Variants in ZNF704 observed in about 807,000 individuals in gnomAD.
ZNF704 encodes zinc finger protein 704, also known as glucocorticoid induced gene 1.
In ZNF704, 10 loss-of-function variants were observed where a neutral mutation model predicts 44.7. The ratio of observed to expected loss-of-function variants is 0.22; its 90% CI spans 0.14 to 0.38. The LOEUF is 0.38. Among genes scored for constraint, ZNF704 ranks in the 10% least tolerant of loss-of-function variants. ZNF704 has a pLI of 1.00. For synonymous variants in ZNF704, 211 were observed against 207.6 expected (o/e 1.02, Z -0.14); for missense variants, 390 against 545.5 (o/e 0.71, Z 2.84).
chr8:80,758,331 A>G (rs895490598), intron 2 of ZNF704, among the ~76,000 whole-genome samples: 3 of 152,174 alleles, frequency 2.0e-5, no homozygotes, highest in African/African-American at 7.2e-5. Flanking sequence ...CACTTAAGAG[A>G]CTGATGAAGT....
chr8:80,753,791 A>C (rs1476936843), intron 2 of ZNF704, among the ~76,000 whole-genome samples: 1 of 152,238 alleles, frequency 6.6e-6, no homozygotes, highest in Admixed American at 6.5e-5. Context: ...GTAACCCCTG[A>C]GAAAAGTTAG....
intron 2 of ZNF704, among the ~76,000 whole-genome samples, chr8:80,787,615 T>C (rs1357489166): frequency 1.3e-5 from 2 of 152,210 alleles, no homozygotes; most frequent in Non-Finnish European, 2.9e-5. Context: ...TTTAATTTTC[T>C]AGTTTTCTTT....
chr8:80,771,662 T>G (rs1807322360), intron 2 of ZNF704, among the ~76,000 whole-genome samples: 1 of 152,294 alleles, frequency 6.6e-6, no homozygotes, highest in East Asian at 1.9e-4. Context: ...ACAGTTTTGG[T>G]TTTTTTCCTT....
At chr8:80,694,542 C>A (rs1388619333) in intron 2 of ZNF704, among the ~76,000 whole-genome samples, 1 of 152,172 alleles carries the variant, frequency 6.6e-6, no homozygotes, top group Non-Finnish European at 1.5e-5. Context: ...ACAAATGTGG[C>A]TTTCATTCAC....
intron 2 of ZNF704, among the ~76,000 whole-genome samples, chr8:80,710,011 A>G (rs915468955): frequency 2.2e-4 from 33 of 152,200 alleles, no homozygotes; most frequent in African/African-American, 7.7e-4. Context: ...TGGGCTAGAC[A>G]TCTTTGCCAG....
At chr8:80,873,310 G>A (rs189592169) in intron 1 of ZNF704, among the ~76,000 whole-genome samples, 1 of 152,282 alleles carries the variant, frequency 6.6e-6, no homozygotes, top group East Asian at 1.9e-4. Context: ...CACGGCCTTT[G>A]AGGAAAGCGG....
intron 2 of ZNF704, among the ~76,000 whole-genome samples, chr8:80,791,540 C>A (rs879268361): frequency 1.3e-5 from 2 of 152,176 alleles, no homozygotes; most frequent in Non-Finnish European, 2.9e-5. Flanking sequence ...CCTGTGGGAA[C>A]CACAGTCTTA....
chr8:80,836,013 T>C (rs1188953377), intron 1 of ZNF704, among the ~76,000 whole-genome samples: 1 of 152,136 alleles, frequency 6.6e-6, no homozygotes, highest in African/African-American at 2.4e-5. Flanking sequence ...CGGAGCCCTG[T>C]TTCCACTCCT....
intron 2 of ZNF704, among the ~76,000 whole-genome samples, chr8:80,726,983 C>T (rs1425281457): frequency 6.6e-6 from 1 of 152,106 alleles, no homozygotes; most frequent in African/African-American, 2.4e-5. Flanking sequence ...ATGTAATAGT[C>T]ATTTAATGTT....
chr8:80,840,506 G>A (rs1808660403), intron 1 of ZNF704, among the ~76,000 whole-genome samples: 1 of 152,138 alleles, frequency 6.6e-6, no homozygotes, highest in Admixed American at 6.5e-5. Context: ...AATAATAACA[G>A]TTCCAGTTAC....
intron 1 of ZNF704, among the ~76,000 whole-genome samples, chr8:80,847,362 A>G (rs1359548184): frequency 3.3e-5 from 5 of 152,114 alleles, no homozygotes; most frequent in African/African-American, 1.2e-4. Context: ...TATTGTGGTA[A>G]TGGCTCAAGA....
rs577248502 is a variant in ZNF704 at position 80,664,710 on chromosome 8, G to A, written c.927+105C>T. The A allele has an allele frequency of 2.2e-4, 301 of 1,388,126 alleles. 3 individuals are homozygous for A. In the South Asian group the frequency reaches 3.6e-3, roughly 17 times the overall value. The allele number at this position is 1,388,126 out of a possible 1,614,324, so 86.0% of individuals were successfully genotyped here. ...AAAATCAAAGCTACCGGGCTGCCGT[G>A]TGTGATGCTGTTTTTCCACTGAGTT... is the stretch of plus-strand genomic sequence containing the variant. On this transcript the variant is annotated intron_variant, in intron 6 of 8. Transcript: ENST00000327835.
At chr8:80,842,037 T>C (rs971353630) in intron 1 of ZNF704, among the ~76,000 whole-genome samples, 7 of 152,198 alleles carry the variant, frequency 4.6e-5, no homozygotes, top group Non-Finnish European at 1.0e-4. Context: ...GCTCAAATGA[T>C]CCTCTTGCCT....
intron 2 of ZNF704, among the ~76,000 whole-genome samples, chr8:80,723,325 C>A (rs1437385956): frequency 6.6e-6 from 1 of 152,100 alleles, no homozygotes; most frequent in Non-Finnish European, 1.5e-5. Flanking sequence ...ATATCCACTA[C>A]TAGTAACTGT....
At chr8:80,655,550 A>G (rs958522853) in intron 7 of ZNF704, among the ~76,000 whole-genome samples, 1 of 152,180 alleles carries the variant, frequency 6.6e-6, no homozygotes, top group Admixed American at 6.5e-5. Flanking sequence ...GGAAATCTGC[A>G]TTGTCAGCTA....
intron 4 of ZNF704, among the ~76,000 whole-genome samples, chr8:80,682,320 T>C (rs769271468): frequency 6.7e-4 from 102 of 152,368 alleles, no homozygotes; most frequent in Non-Finnish European, 1.2e-3. Context: ...AAGCACCTTA[T>C]GTTAACTCAG....
chr8:80,848,856 A>T (rs1808811507), intron 1 of ZNF704, among the ~76,000 whole-genome samples: 1 of 152,208 alleles, frequency 6.6e-6, no homozygotes, highest in Non-Finnish European at 1.5e-5. Flanking sequence ...TTTACAGGTA[A>T]ATCAATAAAG....
chr8:80,851,198 T>C (rs1808857487), intron 1 of ZNF704, among the ~76,000 whole-genome samples: 1 of 152,190 alleles, frequency 6.6e-6, no homozygotes, highest in African/African-American at 2.4e-5. Flanking sequence ...AAATACCATT[T>C]GACCCAGCCA....
intron 4 of ZNF704, 22 bp downstream of exon 4, chr8:80,687,204 G>C: frequency 6.3e-7 from 1 of 1,598,392 alleles, no homozygotes; most frequent in Non-Finnish European, 8.6e-7. Context: ...GAATGCAGAA[G>C]ACCGCGTGGC....
Sources: gnomAD v4.1 joint callset for allele counts (sites outside exome capture counted in the v4.1 genomes callset) on GRCh38, gnomAD v4.1.1 for gene constraint, MANE v1.5 for transcripts, NCBI Gene and HGNC (gene_info 2026-07-23, HGNC 2026-07-21) for gene names.